Variants in F8 observed in about 807,000 individuals in gnomAD.
F8 encodes the protein coagulation factor VIII.
A neutral mutation model predicts 140.6 loss-of-function variants in F8; 12 were observed. The observed-to-expected ratio is 0.09, with a 90% CI of 0.05 to 0.14. F8 has a LOEUF of 0.14. Among genes scored for constraint, F8 ranks in the 10% least tolerant of loss-of-function variants. The pLI is 1.00. For synonymous variants in F8, 585 were observed against 614.6 expected (o/e 0.95, Z 0.71); for missense variants, 1,354 against 1,720.7 (o/e 0.79, Z 3.77).
chrX:155,015,851 C>T (rs950878591), intron 1 of F8, among the ~76,000 whole-genome samples: 1 of 112,134 alleles, frequency 8.9e-6, no homozygotes, highest in Admixed American at 9.4e-5. Flanking sequence ...AACAAAGGAC[C>T]AATGATTTGA....
intron 13 of F8, among the ~76,000 whole-genome samples, chrX:154,940,368 G>A (rs2073253574): frequency 8.9e-6 from 1 of 112,300 alleles, no homozygotes; most frequent in Admixed American, 9.4e-5. Context: ...TGTGATGAAT[G>A]CACAAGCCTC....
At chrX:154,917,322 G>T (rs1318833964) in intron 14 of F8, among the ~76,000 whole-genome samples, 1 of 111,299 alleles carries the variant, frequency 9.0e-6, no homozygotes, top group Non-Finnish European at 1.9e-5. Context: ...GGATGAACTG[G>T]AGCTCCTTTA....
chrX:154,881,452 A>G (rs1319815764), intron 22 of F8, among the ~76,000 whole-genome samples: 3 of 105,576 alleles, frequency 2.8e-5, no homozygotes, highest in South Asian at 7.8e-4. Flanking sequence ...ATCCACTCCT[A>G]TTCTTTCAAC....
chrX:155,005,647 G>C (rs984750155), intron 1 of F8, among the ~76,000 whole-genome samples: 1 of 111,989 alleles, frequency 8.9e-6, no homozygotes. Flanking sequence ...CAGCAGAAAG[G>C]GTGGACCACA....
At position 154,931,603 on chromosome X, in the gene F8, A is replaced by G. The variant is rs1557278856; in HGVS notation, c.2187T>C (p.Ser729=). The change falls in exon 14 of 26, where the codon AGT becomes AGC. Residue 729 remains serine, a synonymous_variant. Coordinates refer to ENST00000360256, the MANE Select transcript of F8 (RefSeq NM_000132.4). ...AATAATCACCAGTGTTCTTGTCACA[A>G]CTAGAAACCTTCAGTAAGGCGGTCA... ...RGMTALLKVS[S]CDKNTGDYYE... is the part of the protein sequence containing the mutation. 3.3e-6 allele frequency: 4 copies of G among 1,211,870 alleles called. No individual in the cohort carries two copies. The highest frequency in any genetic ancestry group is 4.5e-6 in the Non-Finnish European group (4 of 895,412).
intron 21 of F8, among the ~76,000 whole-genome samples, chrX:154,896,458 G>A (rs28493747): frequency 0.012 from 1,323 of 109,007 alleles, 24 homozygotes; most frequent in African/African-American, 0.042. Context: ...TTCCCAGCCT[G>A]CTTCTTGACA....
intron 22 of F8, among the ~76,000 whole-genome samples, chrX:154,888,562 T>G (rs1352377379): frequency 4.6e-5 from 4 of 86,459 alleles, no homozygotes; most frequent in African/African-American, 2.0e-4. Context: ...GCTGGGCTAA[T>G]TTTTGTATTT....
intron 22 of F8, among the ~76,000 whole-genome samples, chrX:154,893,943 G>C (rs1299137790): frequency 2.7e-5 from 3 of 111,540 alleles, no homozygotes; most frequent in African/African-American, 9.8e-5. Context: ...GTCATCTATT[G>C]TCTCTAAGGG....
At chrX:154,924,718 G>A (rs1557277871) in intron 14 of F8, among the ~76,000 whole-genome samples, 1 of 112,107 alleles carries the variant, frequency 8.9e-6, no homozygotes, top group African/African-American at 3.2e-5. Context: ...GCATCCAGGT[G>A]TTTTCATACA....
chrX:154,970,416 C>A (rs781877556), intron 6 of F8, among the ~76,000 whole-genome samples: 2 of 111,900 alleles, frequency 1.8e-5, no homozygotes, highest in South Asian at 7.4e-4. Context: ...TCTAGTTTTT[C>A]ACTGTTACTA....
intron 10 of F8, among the ~76,000 whole-genome samples, chrX:154,957,874 C>A (rs1307572310): frequency 1.0e-5 from 1 of 96,746 alleles, no homozygotes; most frequent in Non-Finnish European, 2.0e-5. Context: ...GAGCGAGACT[C>A]TGTCTCCAAA....
At chrX:154,956,869 CTA>C (rs1438671882) in intron 11 of F8, 86 bp downstream of exon 11, 1 of 796,747 alleles carries the variant, frequency 1.3e-6, no homozygotes. Context: ...TTTTACTGAC[CTA>C]TATTGCAAAC....
intron 1 of F8, among the ~76,000 whole-genome samples, chrX:155,018,176 AT>A (rs2073744222): frequency 9.0e-6 from 1 of 111,240 alleles, no homozygotes; most frequent in Non-Finnish European, 1.9e-5. Context: ...CCGATTGCTT[AT>A]TTATATCTCC....
intron 21 of F8, 90 bp from the exon 22 acceptor site, chrX:154,896,322 A>G: frequency 2.1e-6 from 2 of 967,191 alleles, no homozygotes; most frequent in South Asian, 2.0e-5. Flanking sequence ...AAGAATCTAC[A>G]TTGCTACAGG....
intron 21 of F8, among the ~76,000 whole-genome samples, chrX:154,898,450 T>C (rs28370223): frequency 0.029 from 3,231 of 112,063 alleles, 104 homozygotes; most frequent in African/African-American, 0.098. Context: ...AGTTAATAGA[T>C]GGTTATCAAC....
Position 154,972,701 on chromosome X carries a change from GTCTT to G in F8, c.788-3153_788-3150del, listed in dbSNP as rs1305217692. Among the ~76,000 whole-genome samples the G allele has an allele frequency of 1.4e-3, 100 of 73,526 alleles. 1 individual carries two copies. The highest frequency in any genetic ancestry group is 4.8e-3 in the African/African-American group (87 of 18,099). The allele number at this position is 73,526 out of a possible 115,157, so 63.8% of individuals were successfully genotyped here. A position where few individuals can be genotyped will look rare whatever the true frequency, so the allele number is the denominator to read the frequency against. ...TCTATTGTTCTTTTCTTTTCTTTCT[GTCTT>G]TCTTTTTTTTTTTTTTTTTTTTTTT... On this transcript the variant is annotated intron_variant, in intron 6 of 25. Transcript: ENST00000360256.
At chrX:154,948,017 A>C in intron 12 of F8, 110 bp from the exon 13 acceptor site, 1 of 632,768 alleles carries the variant, frequency 1.6e-6, no homozygotes, top group Non-Finnish European at 2.6e-6. Flanking sequence ...CCATTATCTT[A>C]TTCCCAGGAA....
chrX:154,865,349 T>TA lies in F8; in HGVS notation c.6430-2123dup, dbSNP rs1285019934. On this transcript the variant is annotated intron_variant, in intron 22 of 25. Transcript: ENST00000360256. ...GTGCTAATAGTTCTTCAAGTTGAAA[T>TA]AAAAAAAAAACAGTAACACAAAAGC... Among the ~76,000 whole-genome samples, 612 of 103,308 alleles carry TA rather than the reference T, an allele frequency of 5.9e-3. 2 individuals carry two copies. The highest frequency in any genetic ancestry group is 0.019 in the African/African-American group (552 of 28,584). The allele number at this position is 103,308 out of a possible 115,157, so 89.7% of individuals were successfully genotyped here. A position where few individuals can be genotyped will look rare whatever the true frequency, so the allele number is the denominator to read the frequency against.
chrX:154,888,685 ACG>A (rs1202728172), intron 22 of F8, among the ~76,000 whole-genome samples: 1 of 95,715 alleles, frequency 1.0e-5, no homozygotes, highest in East Asian at 3.3e-4. Context: ...ATGAGCCACC[ACG>A]CCTGGCCTGT....
Sources: allele counts gnomAD v4.1 joint callset (sites outside exome capture counted in the v4.1 genomes callset), GRCh38; gene constraint gnomAD v4.1.1; transcripts MANE v1.5; gene names NCBI Gene and HGNC (gene_info 2026-07-23, HGNC 2026-07-21).